CEP126: variants seen among roughly 807,000 people sequenced by gnomAD.
The protein encoded by CEP126 is centrosomal protein of 126 kDa.
Under a neutral mutation model 107.8 loss-of-function variants are expected in CEP126, and 74 were observed. The observed-to-expected ratio is 0.69, with a 90% CI of 0.57 to 0.83. CEP126 has a LOEUF of 0.83. CEP126 is among the 40% of genes least tolerant of loss of function. The pLI, the probability that CEP126 is intolerant of heterozygous loss-of-function variation, is 0.00. For missense variants in CEP126, 1,237 were observed against 1,281.9 expected (o/e 0.96, Z 0.53); for synonymous variants, 449 against 446.0 (o/e 1.01, Z -0.08).
intron 2 of CEP126, among the ~76,000 whole-genome samples, chr11:101,934,944 T>A (rs1047881303): frequency 6.6e-6 from 1 of 152,082 alleles, no homozygotes; most frequent in Non-Finnish European, 1.5e-5. Flanking sequence ...TCTTAGGGTA[T>A]GTGTATGTTT....
chr11:101,941,761 T>C (rs1341393931), intron 2 of CEP126, among the ~76,000 whole-genome samples: 3 of 152,172 alleles, frequency 2.0e-5, no homozygotes, highest in African/African-American at 7.2e-5. Flanking sequence ...CCACCAGCAA[T>C]GCATAAGAGT....
Position 102,000,959 on chromosome 11 carries a change from C to A in CEP126, c.*3316C>A, listed in dbSNP as rs899761960. On this transcript the variant is annotated 3_prime_UTR_variant, in exon 11 of 11. Coordinates refer to ENST00000263468, the MANE Select transcript of CEP126 (RefSeq NM_020802.4). ...TGTACTGTATACATATATAAATATA[C>A]ACACACTTACATGTATGTATTTTGA... 36 of 152,244 alleles carry A rather than the reference C, an allele frequency of 2.4e-4. No homozygotes were observed. Among genetic ancestry groups the A allele is most frequent in the African/African-American group, 8.2e-4 (34 of 41,542 alleles). The allele number at this position is 152,244 out of a possible 1,614,324, so 9.4% of individuals were successfully genotyped here.
intron 6 of CEP126, among the ~76,000 whole-genome samples, chr11:101,977,221 G>T (rs1487717340): frequency 6.6e-6 from 1 of 152,118 alleles, no homozygotes; most frequent in Non-Finnish European, 1.5e-5. Context: ...ATGTGGCAAA[G>T]AGTTTGTAAT....
chr11:101,963,692 T>A lies in CEP126; in HGVS notation c.2657T>A (p.Phe886Tyr), dbSNP rs771524267. Residue 886 changes from phenylalanine (F) to tyrosine (Y), a missense_variant, in exon 6 of 11, where the codon TTC becomes TAC. Physicochemically the swap from Phe to Tyr is conservative, Grantham distance 22. Around this residue, in one of 3 missense-constraint regions of CEP126, gnomAD observed 1,134 missense variants for 1,150.5 expected, o/e 0.99. Coordinates refer to ENST00000263468, the MANE Select transcript of CEP126 (RefSeq NM_020802.4). ...TATTGTTCTTCAGAGTGCCAAACTT[T>A]CGCAAAAATAAATCATTCAAATGGC... ...PSYCSSECQT[F>Y]AKINHSNGTQ... 2.5e-6 allele frequency: 4 copies of A among 1,614,122 alleles called. No individual in the cohort carries two copies. Among genetic ancestry groups the A allele is most frequent in the Non-Finnish European group, 3.4e-6 (4 of 1,180,034 alleles).
chr11:101,942,948 G>A (rs561453295), intron 2 of CEP126, among the ~76,000 whole-genome samples: 2 of 152,038 alleles, frequency 1.3e-5, no homozygotes, highest in South Asian at 4.1e-4. Flanking sequence ...GTTTATATGT[G>A]TTGATTTTGT....
chr11:101,948,112 C>T lies in CEP126; in HGVS notation c.476C>T (p.Pro159Leu). The change falls in exon 4 of 11, where the codon CCC becomes CTC. Residue 159 changes from proline (P) to leucine (L), a missense_variant. Coordinates refer to ENST00000263468, the MANE Select transcript of CEP126 (RefSeq NM_020802.4). ...AACTTAAAATCAGAAGTAAACCTTC[C>T]CTTTTCCCGTAGACCAACAATAAAC... is the stretch of plus-strand genomic sequence containing the variant. ...ESNLKSEVNL[P>L]FSRRPTINWR... 6.2e-7 allele frequency: 1 copy of T among 1,609,398 alleles called. No individual in the cohort carries two copies. The highest frequency in any genetic ancestry group is 1.3e-5 in the African/African-American group (1 of 74,924).
chr11:101,993,274 A>G (rs957087014), intron 10 of CEP126, among the ~76,000 whole-genome samples: 4 of 152,056 alleles, frequency 2.6e-5, no homozygotes, highest in Admixed American at 6.6e-5. Context: ...TGTGTACTCA[A>G]TGTTTAGCTC....
chr11:101,949,851 G>A (rs756084888), intron 4 of CEP126, among the ~76,000 whole-genome samples: 2 of 152,146 alleles, frequency 1.3e-5, no homozygotes, highest in Non-Finnish European at 2.9e-5. Context: ...ACTGAAAAGA[G>A]CTATACTGTA....
At chr11:101,926,440 G>A (rs779090247) in intron 2 of CEP126, among the ~76,000 whole-genome samples, 7 of 152,234 alleles carry the variant, frequency 4.6e-5, no homozygotes, top group Admixed American at 6.5e-5. Flanking sequence ...GATAGTACAC[G>A]TTATGAAATA....
Position 101,920,765 on chromosome 11 carries a change from C to G in CEP126, c.129-1876C>G, listed in dbSNP as rs564112404. Among the ~76,000 whole-genome samples, 38 of 152,186 alleles carry G rather than the reference C, an allele frequency of 2.5e-4. No individual in the cohort carries two copies. The East Asian group carries it at 6.6e-3, about 26-fold the overall frequency. ...GGGCTGCAGGCATACACCACCACAC[C>G]TGGCTGATTTTTGCATTTTTTGTAG... On this transcript the variant is annotated intron_variant, in intron 1 of 10. Transcript: ENST00000263468.
intron 6 of CEP126, among the ~76,000 whole-genome samples, chr11:101,977,047 AT>A (rs1941199810): frequency 6.6e-6 from 1 of 152,278 alleles, no homozygotes; most frequent in African/African-American, 2.4e-5. Context: ...TTAATCGGAA[AT>A]TTTTTAAAGA....
chr11:101,979,308 C>T (rs990258444), intron 7 of CEP126, among the ~76,000 whole-genome samples: 1 of 152,156 alleles, frequency 6.6e-6, no homozygotes, highest in Non-Finnish European at 1.5e-5. Context: ...TTTTAAAAAA[C>T]ATTTCCTATT....
rs1325839881 is a variant in CEP126 at position 101,963,604 on chromosome 11, A to G, written c.2569A>G (p.Ser857Gly). The change falls in exon 6 of 11, where the codon AGT becomes GGT. Residue 857 changes from serine to glycine, a missense_variant. By Grantham distance (56) the Ser-to-Gly change is moderately conservative. Transcript: ENST00000263468. The part of the protein sequence containing the change: ...EHSLNQWNQE[S>G]SSPLSNACSD... ...CAGTTTGAATCAGTGGAATCAGGAA[A>G]GTAGTTCTCCACTCTCAAATGCTTG... is the stretch of plus-strand genomic sequence containing the variant. 8.7e-6 allele frequency: 14 copies of G among 1,614,042 alleles called. No individual in the cohort carries two copies. In the African/African-American group the frequency reaches 1.1e-4, roughly 12 times the overall value.
At position 101,915,122 on chromosome 11, in the gene CEP126, C is replaced by G. The variant is rs2137071576; in HGVS notation, c.-163C>G. The G allele has an allele frequency of 4.6e-6, 5 of 1,081,560 alleles. No individual in the cohort carries two copies. The highest frequency in any genetic ancestry group is 6.5e-6 in the Non-Finnish European group (5 of 774,932). 67.0% of individuals were successfully genotyped at this position (1,081,560 alleles called of 1,614,324 possible). ...GCCATCGCCGCTACAGGCACCAGTG[C>G]CGCTGCGCGGGAGCTAGGGCTGTCG... On this transcript the variant is annotated 5_prime_UTR_variant, in exon 1 of 11. Transcript: ENST00000263468.
chr11:101,937,449 T>A (rs1383182881), intron 2 of CEP126, among the ~76,000 whole-genome samples: 2 of 152,222 alleles, frequency 1.3e-5, no homozygotes. Context: ...AAAGGCAGAC[T>A]TTCAGTCTTC....
chr11:101,941,670 T>G (rs1167509457), intron 2 of CEP126, among the ~76,000 whole-genome samples: 1 of 152,148 alleles, frequency 6.6e-6, no homozygotes, highest in Non-Finnish European at 1.5e-5. Context: ...GTGAAATTCT[T>G]TTATCATATG....
intron 3 of CEP126, 41 bp downstream of exon 3, chr11:101,944,451 A>T: frequency 6.4e-7 from 1 of 1,559,888 alleles, no homozygotes; most frequent in Non-Finnish European, 8.6e-7. Context: ...ATAAAGTTTT[A>T]ATCTCATTTG....
At chr11:101,922,290 A>G (rs935079578) in intron 1 of CEP126, among the ~76,000 whole-genome samples, 4 of 150,528 alleles carry the variant, frequency 2.7e-5, no homozygotes, top group Non-Finnish European at 5.9e-5. Context: ...TCAGCCTCCC[A>G]AGTAGCTGGG....
chr11:101,969,528 G>A (rs1941100315), intron 6 of CEP126, among the ~76,000 whole-genome samples: 1 of 152,142 alleles, frequency 6.6e-6, no homozygotes, highest in Non-Finnish European at 1.5e-5. Context: ...GATTGGAAAA[G>A]TCTGTATTAA....
Sources: gnomAD v4.1 joint callset for allele counts (sites outside exome capture counted in the v4.1 genomes callset) on GRCh38, gnomAD v4.1.1 for gene constraint, gnomAD v4.1.1 regional missense constraint, MANE v1.5 for transcripts, NCBI Gene and HGNC (gene_info 2026-07-23, HGNC 2026-07-21) for gene names.